The following AQR variants were observed in gnomAD, a reference collection of about 807,000 sequenced individuals.
The protein encoded by AQR is RNA helicase aquarius.
In AQR, 61 loss-of-function variants were observed where a neutral mutation model predicts 180.5. The observed-to-expected ratio is 0.34, with a 90% CI of 0.28 to 0.42. AQR has a LOEUF of 0.42. AQR is among the 10% of genes least tolerant of loss of function. AQR has a pLI of 1.00. For synonymous variants in AQR, 551 were observed against 588.8 expected (o/e 0.94, Z 0.93); for missense variants, 1,281 against 1,798.3 (o/e 0.71, Z 5.20).
At chr15:34,889,957 T>A (rs1267815073) in intron 24 of AQR, among the ~76,000 whole-genome samples, 1 of 152,152 alleles carries the variant, frequency 6.6e-6, no homozygotes, top group Admixed American at 6.5e-5. Flanking sequence ...CAAAAGGCAA[T>A]CTGTTAAAAA....
intron 24 of AQR, among the ~76,000 whole-genome samples, chr15:34,887,448 C>A (rs1339463818): frequency 6.6e-6 from 1 of 152,178 alleles, no homozygotes; most frequent in Non-Finnish European, 1.5e-5. Context: ...TTTTGATTAT[C>A]TCTGTCATCT....
intron 34 of AQR, among the ~76,000 whole-genome samples, chr15:34,858,856 G>C (rs553031822): frequency 2.6e-5 from 4 of 152,304 alleles, no homozygotes; most frequent in African/African-American, 9.6e-5. Context: ...TATTAGGGAA[G>C]TGGTGCTCAA....
chr15:34,937,789 C>G (rs769005836), intron 9 of AQR, among the ~76,000 whole-genome samples: 3 of 151,976 alleles, frequency 2.0e-5, no homozygotes, highest in Non-Finnish European at 4.4e-5. Flanking sequence ...GAGGCTGAGG[C>G]AGGAGAATTG....
At chr15:34,939,518 G>A (rs779977016) in intron 8 of AQR, among the ~76,000 whole-genome samples, 4 of 152,082 alleles carry the variant, frequency 2.6e-5, no homozygotes, top group African/African-American at 4.8e-5. Flanking sequence ...ATATTTTAAC[G>A]TTTAAGTATA....
intron 13 of AQR, among the ~76,000 whole-genome samples, chr15:34,926,245 TAATGA>T (rs140975875): frequency 0.097 from 14,780 of 152,216 alleles, 783 homozygotes; most frequent in Middle Eastern, 0.16. Context: ...TTATTTAAAA[TAATGA>T]AATGAATCTA....
intron 6 of AQR, chr15:34,943,397 A>G (rs1298005622): frequency 8.1e-7 from 1 of 1,227,978 alleles, no homozygotes; most frequent in Non-Finnish European, 1.2e-6. Flanking sequence ...TTCAGTTCTA[A>G]GTGTCATCTT....
intron 8 of AQR, among the ~76,000 whole-genome samples, chr15:34,940,536 A>C (rs896760850): frequency 2.6e-5 from 4 of 152,176 alleles, no homozygotes; most frequent in African/African-American, 4.8e-5. Context: ...GTCTCAAAAA[A>C]ATAAAAAAAG....
intron 14 of AQR, among the ~76,000 whole-genome samples, 195 bp from the exon 15 acceptor site, chr15:34,918,573 C>T (rs1018055743): frequency 6.6e-6 from 1 of 152,138 alleles, no homozygotes; most frequent in Non-Finnish European, 1.5e-5. Flanking sequence ...TCAGACAGAC[C>T]TGAGTTCAAA....
At chr15:34,911,414 G>C (rs1595794657) in intron 16 of AQR, among the ~76,000 whole-genome samples, 1 of 152,248 alleles carries the variant, frequency 6.6e-6, no homozygotes, top group African/African-American at 2.4e-5. Flanking sequence ...CACCAATAGT[G>C]TATAAGAGTT....
At position 34,897,550 on chromosome 15, in the gene AQR, T is replaced by TA; in HGVS notation, c.2390+8dup. The TA allele has an allele frequency of 6.2e-7, 1 of 1,613,570 alleles. No homozygotes were observed. Among genetic ancestry groups the TA allele is most frequent in the East Asian group, 2.2e-5 (1 of 44,850 alleles). On this transcript the variant is annotated intron_variant, in intron 21 of 34. Coordinates refer to ENST00000156471, the MANE Select transcript of AQR (RefSeq NM_014691.3). ...TCATCATTACAATTATAATAGGTAG[T>TA]AAAATTACCGTTTGGGTTGATTATA...
Position 34,960,784 on chromosome 15 carries a change from C to A in AQR, c.163G>T (p.Val55Phe), listed in dbSNP as rs528870225. ...TAAATTCATTCCTACCTTGATTTGA[C>A]AATCTCTTTTTCATATATATCTTCA... is the stretch of plus-strand genomic sequence containing the variant. ...VIEDIYEKEI[V>F]KSRFAIRKIM... Residue 55 changes from valine to phenylalanine, a missense_variant, in exon 3 of 35, where the codon GTC becomes TTC. Val to Phe is a conservative substitution (Grantham distance 50). Around this residue, in one of 9 missense-constraint regions of AQR, gnomAD observed 404 missense variants for 490.9 expected, o/e 0.82. Coordinates refer to ENST00000156471, the MANE Select transcript of AQR (RefSeq NM_014691.3). 2 of 918,810 alleles carry A rather than the reference C, an allele frequency of 2.2e-6. No individual in the cohort carries two copies. Among genetic ancestry groups the A allele is most frequent in the Non-Finnish European group, 3.3e-6 (2 of 603,248 alleles). 56.9% of individuals were successfully genotyped at this position (918,810 alleles called of 1,614,324 possible).
intron 17 of AQR, among the ~76,000 whole-genome samples, chr15:34,909,616 T>A (rs147552832): frequency 2.6e-4 from 39 of 152,334 alleles, no homozygotes; most frequent in African/African-American, 8.9e-4. Flanking sequence ...CACCCCCACA[T>A]ATTCTTTTTA....
At chr15:34,964,349 G>GTCTT in intron 1 of AQR, 59 bp from the exon 2 acceptor site, 2 of 1,362,704 alleles carry the variant, frequency 1.5e-6, no homozygotes, top group South Asian at 1.2e-5. Flanking sequence ...AGAGCTGGAA[G>GTCTT]ACAGATCATT....
rs951393646 is a variant in AQR, at chr15:34,872,418, G to T, written c.3597+1410C>A. On this transcript the variant is annotated intron_variant, in intron 30 of 34. Transcript: ENST00000156471. ...TCGCTAAAAACTCATCTAGAGTTAG[G>T]CTTAATGAATAAGAAAAACAGGTAA... 2.0e-5 allele frequency among the ~76,000 whole-genome samples: 3 copies of T among 152,128 alleles called. No individual in the cohort carries two copies. The South Asian group carries it at 6.2e-4, about 32-fold the overall frequency.
At position 34,876,138 on chromosome 15, in the gene AQR, T is replaced by C. The variant is rs1892886332; in HGVS notation, c.3166-132A>G. On this transcript the variant is annotated intron_variant, in intron 27 of 34. Coordinates refer to ENST00000156471, the MANE Select transcript of AQR (RefSeq NM_014691.3). ...TACAAATTATTCAGACAGATAAAAA[T>C]AACAACATACACATTATTCAAACAG... 1.4e-5 allele frequency: 9 copies of C among 651,316 alleles called. No homozygotes were observed. The South Asian group carries it at 1.8e-4, about 13-fold the overall frequency. The allele number at this position is 651,316 out of a possible 1,614,324, so 40.3% of individuals were successfully genotyped here.
Position 34,862,868 on chromosome 15 carries a change from T to A in AQR, c.4028A>T (p.Lys1343Met). The A allele has an allele frequency of 2.5e-6, 4 of 1,613,402 alleles. No individual in the cohort carries two copies. The highest frequency in any genetic ancestry group is 3.4e-6 in the Non-Finnish European group (4 of 1,179,600). ...IPTEPFPTTR[K>M]NGERPSHEVQ... ...ATAAAATGAAGAAAGAAGTCCTACC[T>A]TTCTAGTAGTTGGGAAAGGTTCTGT... The change falls in exon 33 of 35, where the codon AAG becomes ATG. Residue 1343 changes from lysine to methionine, a missense_variant and splice_region_variant. Lys to Met is a moderately conservative substitution (Grantham distance 95). Transcript: ENST00000156471.
chr15:34,879,057 T>C (rs1464520329), intron 27 of AQR, among the ~76,000 whole-genome samples: 1 of 150,678 alleles, frequency 6.6e-6, no homozygotes, highest in African/African-American at 2.4e-5. Flanking sequence ...TTCAACAAAA[T>C]ACAAATTGAA....
intron 13 of AQR, among the ~76,000 whole-genome samples, chr15:34,926,223 A>C (rs1566990793): frequency 6.6e-6 from 1 of 151,760 alleles, no homozygotes; most frequent in Admixed American, 6.6e-5. Context: ...TGTTTAATGG[A>C]ACTCTATGTA....
intron 20 of AQR, among the ~76,000 whole-genome samples, chr15:34,898,065 A>G (rs1893275577): frequency 6.6e-6 from 1 of 152,232 alleles, no homozygotes; most frequent in African/African-American, 2.4e-5. Flanking sequence ...GAATTTAGAC[A>G]TTCAAAGACG....
Sources: allele counts gnomAD v4.1 joint callset (sites outside exome capture counted in the v4.1 genomes callset), GRCh38; gene constraint gnomAD v4.1.1; regional missense constraint gnomAD v4.1.1; transcripts MANE v1.5; gene names NCBI Gene and HGNC (gene_info 2026-07-23, HGNC 2026-07-21).